The following NKAIN2 variants were observed in gnomAD, a reference collection of about 807,000 sequenced individuals.
NKAIN2 encodes sodium/potassium transporting ATPase interacting 2, also known as sodium/potassium-transporting ATPase subunit beta-1-interacting protein 2.
NKAIN2 carries 14 observed loss-of-function variants against 32.6 expected under a neutral mutation model. That is an observed-to-expected ratio of 0.43 (90% CI 0.28 to 0.67). The LOEUF (loss-of-function observed/expected upper bound fraction) is 0.67. Among genes scored for constraint, NKAIN2 ranks in the 30% least tolerant of loss-of-function variants. The probability of loss-of-function intolerance (pLI) is 0.17; values close to 1 mark genes in which losing one functional copy is unlikely to be tolerated. For synonymous variants in NKAIN2, 80 were observed against 87.2 expected (o/e 0.92, Z 0.46); for missense variants, 198 against 258.3 (o/e 0.77, Z 1.60).
At chr6:123,976,700 A>G (rs888402171) in intron 1 of NKAIN2, among the ~76,000 whole-genome samples, 2 of 152,034 alleles carry the variant, frequency 1.3e-5, no homozygotes, top group Non-Finnish European at 2.9e-5. Context: ...ATTAACTATC[A>G]TGCATCATAT....
chr6:124,440,040 GC>G (rs1366212101), intron 3 of NKAIN2, among the ~76,000 whole-genome samples: 1 of 151,982 alleles, frequency 6.6e-6, no homozygotes, highest in East Asian at 1.9e-4. Context: ...GGCTGGGATG[GC>G]CCTTCTTCAG....
At chr6:124,443,212 A>G (rs920942706) in intron 3 of NKAIN2, among the ~76,000 whole-genome samples, 1 of 151,976 alleles carries the variant, frequency 6.6e-6, no homozygotes, top group Admixed American at 6.6e-5. Context: ...ATCCTCCCAC[A>G]TGTGTCTTCT....
intron 1 of NKAIN2, among the ~76,000 whole-genome samples, chr6:124,031,377 T>C (rs1275506392): frequency 6.6e-6 from 1 of 152,122 alleles, no homozygotes; most frequent in African/African-American, 2.4e-5. Context: ...ATTCATTGAG[T>C]TTTTGAAGGG....
intron 3 of NKAIN2, among the ~76,000 whole-genome samples, chr6:124,416,923 T>C (rs1412663180): frequency 6.6e-6 from 1 of 152,116 alleles, no homozygotes; most frequent in Non-Finnish European, 1.5e-5. Flanking sequence ...ACTGCACTTT[T>C]ACTCCCACTT....
At chr6:124,818,884 T>C (rs896498855) in intron 6 of NKAIN2, among the ~76,000 whole-genome samples, 8 of 152,158 alleles carry the variant, frequency 5.3e-5, no homozygotes, top group Non-Finnish European at 8.8e-5. Flanking sequence ...AGTTCTCATT[T>C]AGATGATAAA....
chr6:124,489,815 C>T (rs1165707050), intron 3 of NKAIN2, among the ~76,000 whole-genome samples: 1 of 151,774 alleles, frequency 6.6e-6, no homozygotes, highest in Admixed American at 6.6e-5. Flanking sequence ...AATATATTCA[C>T]TAAATTTTTT....
intron 1 of NKAIN2, among the ~76,000 whole-genome samples, chr6:124,218,008 C>A (rs1295297398): frequency 1.3e-5 from 2 of 150,970 alleles, no homozygotes; most frequent in Admixed American, 1.3e-4. Context: ...TTGGTGGAAA[C>A]TTCTGAAAGC....
intron 3 of NKAIN2, among the ~76,000 whole-genome samples, chr6:124,449,598 T>C (rs764669571): frequency 9.9e-5 from 15 of 152,056 alleles, no homozygotes; most frequent in Non-Finnish European, 1.8e-4. Context: ...AACATCCACA[T>C]TTAGACCTTC....
chr6:124,204,011 T>C (rs1454853226), intron 1 of NKAIN2, among the ~76,000 whole-genome samples: 2 of 151,898 alleles, frequency 1.3e-5, no homozygotes, highest in Non-Finnish European at 2.9e-5. Flanking sequence ...TGTTTTGTAG[T>C]GCACACACTA....
chr6:124,292,934 G>A (rs1297706919), intron 2 of NKAIN2, among the ~76,000 whole-genome samples: 1 of 152,048 alleles, frequency 6.6e-6, no homozygotes, highest in Admixed American at 6.6e-5. Flanking sequence ...TTAGTTGAAA[G>A]TATTGCTTTA....
At chr6:124,735,697 G>T (rs892983301) in intron 4 of NKAIN2, among the ~76,000 whole-genome samples, 3 of 151,598 alleles carry the variant, frequency 2.0e-5, no homozygotes, top group African/African-American at 7.3e-5. Flanking sequence ...CAACTATTTC[G>T]TTGTTATCGT....
intron 1 of NKAIN2, among the ~76,000 whole-genome samples, chr6:123,989,021 C>G (rs960498737): frequency 1.3e-5 from 2 of 151,864 alleles, no homozygotes; most frequent in Admixed American, 6.6e-5. Context: ...TATTACTATA[C>G]TTTTAGGAGA....
chr6:124,711,272 T>C (rs1775439612), intron 4 of NKAIN2, among the ~76,000 whole-genome samples: 1 of 66,170 alleles, frequency 1.5e-5, no homozygotes, highest in Admixed American at 1.7e-4. Context: ...CATTTTTTCC[T>C]TCATTTCAAC....
At chr6:124,722,967 A>T (rs1776095136) in intron 4 of NKAIN2, among the ~76,000 whole-genome samples, 1 of 152,190 alleles carries the variant, frequency 6.6e-6, no homozygotes, top group African/African-American at 2.4e-5. Context: ...TCAAAAACAC[A>T]TGAGGAACAT....
intron 1 of NKAIN2, among the ~76,000 whole-genome samples, chr6:124,189,871 A>G (rs2114582617): frequency 6.6e-6 from 1 of 152,276 alleles, no homozygotes; most frequent in East Asian, 1.9e-4. Context: ...ACATAGAAAA[A>G]CAGAATGTCA....
rs563607202 is a variant in NKAIN2 at position 124,476,063 on chromosome 6, A to T, written c.273+120716A>T. Among the ~76,000 whole-genome samples the T allele has an allele frequency of 2.9e-3, 338 of 115,100 alleles. 1 individual carries two copies. Among genetic ancestry groups the T allele is most frequent in the Middle Eastern group, 0.015 (3 of 206 alleles). 75.5% of individuals were successfully genotyped at this position (115,100 alleles called of 152,430 possible). ...GTGTGTGTGTGAGAGAGAGAGAGAG[A>T]GAGTGTGTGTGTGTGTGTGTGTGTG... is the stretch of plus-strand genomic sequence containing the variant. On this transcript the variant is annotated intron_variant, in intron 3 of 6. Coordinates refer to ENST00000368417, the MANE Select transcript of NKAIN2 (RefSeq NM_001040214.3).
intron 3 of NKAIN2, among the ~76,000 whole-genome samples, chr6:124,369,499 C>T (rs144694620): frequency 3.3e-4 from 50 of 152,218 alleles, no homozygotes; most frequent in African/African-American, 1.1e-3. Context: ...TGGCCCAACA[C>T]ACATTTGTAA....
chr6:124,567,981 A>T (rs1230711901), intron 3 of NKAIN2, among the ~76,000 whole-genome samples: 1 of 152,174 alleles, frequency 6.6e-6, no homozygotes, highest in East Asian at 1.9e-4. Flanking sequence ...GATGCAGGTG[A>T]GGTTCTAGTC....
intron 1 of NKAIN2, among the ~76,000 whole-genome samples, chr6:123,998,074 A>G (rs545203615): frequency 6.6e-6 from 1 of 152,140 alleles, no homozygotes; most frequent in Non-Finnish European, 1.5e-5. Flanking sequence ...CCTTATGCTA[A>G]TTAGAACTAT....
Sources: allele counts gnomAD v4.1 joint callset (sites outside exome capture counted in the v4.1 genomes callset), GRCh38; gene constraint gnomAD v4.1.1; transcripts MANE v1.5; gene names NCBI Gene and HGNC (gene_info 2026-07-23, HGNC 2026-07-21).